The following MARCHF5 variants were observed in gnomAD, a reference collection of about 807,000 sequenced individuals.
MARCHF5 encodes E3 ubiquitin-protein ligase MARCHF5.
A neutral mutation model predicts 36.5 loss-of-function variants in MARCHF5; 5 were observed. That is an observed-to-expected ratio of 0.14 (90% CI 0.07 to 0.29). MARCHF5 has a LOEUF of 0.29. Among genes scored for constraint, MARCHF5 ranks in the 10% least tolerant of loss-of-function variants. MARCHF5 has a pLI of 1.00. For synonymous variants in MARCHF5, 103 were observed against 109.9 expected (o/e 0.94, Z 0.39); for missense variants, 179 against 336.3 (o/e 0.53, Z 3.66).
intron 2 of MARCHF5, among the ~76,000 whole-genome samples, chr10:92,330,421 G>T (rs1039460227): frequency 6.6e-6 from 1 of 152,070 alleles, no homozygotes; most frequent in Non-Finnish European, 1.5e-5. Flanking sequence ...TTTATCAAGA[G>T]AATCTAAATT....
chr10:92,308,287 C>T (rs1246371269), intron 1 of MARCHF5, among the ~76,000 whole-genome samples: 1 of 152,054 alleles, frequency 6.6e-6, no homozygotes, highest in Non-Finnish European at 1.5e-5. Flanking sequence ...GTGACGTTGC[C>T]GTGGCATTTG....
intron 2 of MARCHF5, among the ~76,000 whole-genome samples, chr10:92,311,929 A>C (rs1240839359): frequency 6.6e-6 from 1 of 152,186 alleles, no homozygotes; most frequent in Non-Finnish European, 1.5e-5. Context: ...TACAAGAAGC[A>C]TTCTAAGGCT....
intron 1 of MARCHF5, among the ~76,000 whole-genome samples, chr10:92,305,100 G>GT (rs755051285): frequency 3.3e-5 from 5 of 152,088 alleles, no homozygotes; most frequent in Non-Finnish European, 5.9e-5. Context: ...TGATTTCTAT[G>GT]TTACGGTGAG....
chr10:92,291,268 C>A lies in MARCHF5; in HGVS notation c.-227C>A. 1.8e-6 allele frequency: 1 copy of A among 542,088 alleles called. No individual in the cohort carries two copies. The highest frequency in any genetic ancestry group is 3.2e-6 in the Non-Finnish European group (1 of 312,296). 33.6% of individuals were successfully genotyped at this position (542,088 alleles called of 1,614,324 possible). ...CGGGAACCCGGGCCGCGATCGCCGC[C>A]TCCCCGCCTCAGGCTCCTCCTCCTC... On this transcript the variant is annotated 5_prime_UTR_variant, in exon 1 of 6. Transcript: ENST00000358935.
intron 2 of MARCHF5, among the ~76,000 whole-genome samples, chr10:92,331,523 G>C (rs955787362): frequency 6.6e-6 from 1 of 151,860 alleles, no homozygotes; most frequent in Non-Finnish European, 1.5e-5. Context: ...GAAGTTTTCA[G>C]TTGTTTTATG....
At position 92,339,918 on chromosome 10, in the gene MARCHF5, A is replaced by G. The variant is rs1415454793; in HGVS notation, c.239-755A>G. 9.9e-5 allele frequency among the ~76,000 whole-genome samples: 15 copies of G among 152,212 alleles called. 1 individual carries two copies. Among genetic ancestry groups the G allele is most frequent in the Admixed American group, 9.8e-4 (15 of 15,290 alleles). ...TACATAGAGCTGTTGGAATGCTATAAAAACTGGCTTCATAATCATAAAAAG... is the reference window on the plus strand; with the variant it reads ...TACATAGAGCTGTTGGAATGCTATAGAAACTGGCTTCATAATCATAAAAAG... On this transcript the variant is annotated intron_variant, in intron 2 of 5. Coordinates refer to ENST00000358935, the MANE Select transcript of MARCHF5 (RefSeq NM_017824.5).
intron 1 of MARCHF5, among the ~76,000 whole-genome samples, chr10:92,297,851 T>A (rs1435174858): frequency 3.3e-5 from 5 of 152,152 alleles, no homozygotes; most frequent in Non-Finnish European, 7.3e-5. Context: ...TCTTTATTAT[T>A]TTTCCTGATA....
Position 92,346,015 on chromosome 10 carries a change from C to A in MARCHF5, c.370-3334C>A, listed in dbSNP as rs573724546. Among the ~76,000 whole-genome samples the A allele has an allele frequency of 4.3e-4, 65 of 152,208 alleles. 5 individuals are homozygous for A. In the South Asian group the frequency reaches 0.01, roughly 24 times the overall value. ...AGGCCTTTATTTTATACATAGATAA[C>A]AAATTCTTAGACATTCTATATAATT... On this transcript the variant is annotated intron_variant, in intron 3 of 5. Coordinates refer to ENST00000358935, the MANE Select transcript of MARCHF5 (RefSeq NM_017824.5).
chr10:92,311,278 C>T lies in MARCHF5; in HGVS notation c.179C>T (p.Thr60Ile). The part of the protein sequence containing the change: ...WVDEKQRGNS[T>I]ARVACPQCNA... ...GATGAAAAGCAAAGAGGAAACAGTA[C>T]AGCCAGAGTGGCATGTCCTCAGTGC... The change falls in exon 2 of 6, where the codon ACA becomes ATA. Residue 60 changes from threonine (T) to isoleucine (I), a missense_variant. This residue lies in a region of MARCHF5 where 66 missense variants were observed against 180.5 expected (regional missense o/e 0.37). Coordinates refer to ENST00000358935, the MANE Select transcript of MARCHF5 (RefSeq NM_017824.5). 6.2e-7 allele frequency: 1 copy of T among 1,612,232 alleles called. No homozygotes were observed. Among genetic ancestry groups the T allele is most frequent in the Non-Finnish European group, 8.5e-7 (1 of 1,178,904 alleles).
intron 1 of MARCHF5, among the ~76,000 whole-genome samples, chr10:92,304,489 T>C (rs919235614): frequency 3.3e-5 from 5 of 152,196 alleles, no homozygotes; most frequent in African/African-American, 9.6e-5. Flanking sequence ...ACCAATTATA[T>C]TGAAGTACAG....
At chr10:92,334,353 T>C (rs537506304) in intron 2 of MARCHF5, 12 of 152,234 alleles carry the variant, frequency 7.9e-5, no homozygotes, top group Non-Finnish European at 1.2e-4. Context: ...AAGGAACTTA[T>C]CGTCTCAGAA....
intron 1 of MARCHF5, among the ~76,000 whole-genome samples, chr10:92,299,504 A>G (rs759832617): frequency 8.5e-5 from 13 of 152,130 alleles, no homozygotes; most frequent in Middle Eastern, 3.2e-3. Context: ...AGTCTTACCC[A>G]TATTGAATTC....
At chr10:92,343,726 C>T (rs968655610) in intron 3 of MARCHF5, among the ~76,000 whole-genome samples, 3 of 152,190 alleles carry the variant, frequency 2.0e-5, no homozygotes, top group South Asian at 2.1e-4. Flanking sequence ...TGTGCCACCA[C>T]GCCCAGCTAA....
intron 1 of MARCHF5, among the ~76,000 whole-genome samples, chr10:92,294,819 C>T (rs552424589): frequency 6.6e-6 from 1 of 152,274 alleles, no homozygotes; most frequent in African/African-American, 2.4e-5. Context: ...GAGAGGATTG[C>T]TTGAGCCCAG....
At chr10:92,306,780 G>A (rs952622459) in intron 1 of MARCHF5, among the ~76,000 whole-genome samples, 2 of 152,124 alleles carry the variant, frequency 1.3e-5, no homozygotes, top group African/African-American at 2.4e-5. Context: ...TTGGGAGGCC[G>A]AGGCAGGTGG....
chr10:92,311,369 A>C, intron 2 of MARCHF5, 32 bp downstream of exon 2: 1 of 1,402,856 alleles, frequency 7.1e-7, no homozygotes, highest in East Asian at 2.5e-5. Context: ...ACACAGATAT[A>C]GTTGATGTTA....
At chr10:92,296,399 G>C (rs1842949031) in intron 1 of MARCHF5, among the ~76,000 whole-genome samples, 1 of 151,994 alleles carries the variant, frequency 6.6e-6, no homozygotes, top group African/African-American at 2.4e-5. Flanking sequence ...TTGAACCTTA[G>C]TTAGCTCTTC....
intron 5 of MARCHF5, 87 bp downstream of exon 5, chr10:92,349,924 T>C: frequency 3.6e-6 from 4 of 1,111,004 alleles, no homozygotes; most frequent in Non-Finnish European, 5.2e-6. Context: ...TGTATAAATA[T>C]TCGGTCTGTG....
In MARCHF5 at chr10:92,353,645, ATATTT is replaced by A. The variant is rs1163736006; in HGVS notation, c.*2445_*2449del. On this transcript the variant is annotated 3_prime_UTR_variant, in exon 6 of 6. Transcript: ENST00000358935. ...ATGTAGATTTTTCGGATGGGTGGGT[ATATTT>A]TATTTTCCAGTTTATTTTCATATTT... The A allele has an allele frequency of 1.3e-5, 2 of 152,530 alleles. No individual in the cohort carries two copies. The highest frequency in any genetic ancestry group is 4.8e-5 in the African/African-American group (2 of 41,426). 9.4% of individuals were successfully genotyped at this position (152,530 alleles called of 1,614,324 possible). A position where few individuals can be genotyped will look rare whatever the true frequency, so the allele number is the denominator to read the frequency against.
Sources: allele counts gnomAD v4.1 joint callset (sites outside exome capture counted in the v4.1 genomes callset), GRCh38; gene constraint gnomAD v4.1.1; regional missense constraint gnomAD v4.1.1; transcripts MANE v1.5; gene names NCBI Gene and HGNC (gene_info 2026-07-23, HGNC 2026-07-21).